The following SLC24A2 variants were observed in gnomAD, a reference collection of about 807,000 sequenced individuals.
SLC24A2 encodes the protein solute carrier family 24 member 2.
Under a neutral mutation model 62.0 loss-of-function variants are expected in SLC24A2, and 36 were observed. That is an observed-to-expected ratio of 0.58 (90% confidence interval 0.44 to 0.77). The LOEUF (loss-of-function observed/expected upper bound fraction) is 0.77, where lower values mean the gene tolerates loss of function less well. Among genes scored for constraint, SLC24A2 ranks in the 30% least tolerant of loss-of-function variants. SLC24A2 has a pLI of 0.00. For missense variants in SLC24A2, 846 were observed against 817.9 expected (o/e 1.03, Z -0.42); for synonymous variants, 358 against 294.0 (o/e 1.22, Z -2.23).
chr9:19,609,057 A>G (rs2132930821), intron 4 of SLC24A2, among the ~76,000 whole-genome samples: 1 of 152,332 alleles, frequency 6.6e-6, no homozygotes, highest in Non-Finnish European at 1.5e-5. Context: ...GCCCTTCCTC[A>G]GGGTTCACAC....
intron 2 of SLC24A2, among the ~76,000 whole-genome samples, chr9:19,778,776 T>A (rs1822920900): frequency 6.6e-6 from 1 of 152,086 alleles, no homozygotes; most frequent in Admixed American, 6.5e-5. Context: ...AAGAAACATA[T>A]GCTCAAAGTT....
At chr9:19,640,464 A>G (rs1355239699) in intron 2 of SLC24A2, among the ~76,000 whole-genome samples, 1 of 152,222 alleles carries the variant, frequency 6.6e-6, no homozygotes, top group African/African-American at 2.4e-5. Flanking sequence ...CACAAAAGCT[A>G]CACAAGTTGA....
chr9:20,132,975 G>A, the SLC24A2 span, among the ~76,000 whole-genome samples: 20 of 152,086 alleles, frequency 1.3e-4, no homozygotes, highest in African/African-American at 3.4e-4. Flanking sequence ...TGTCAATGTG[G>A]CTAGGCTGCA....
intron 9 of SLC24A2, among the ~76,000 whole-genome samples, chr9:19,524,871 T>C (rs1388117400): frequency 2.6e-5 from 4 of 152,230 alleles, no homozygotes; most frequent in Non-Finnish European, 4.4e-5. Context: ...CATGATGTTT[T>C]ATAAAACGGC....
At chr9:19,627,073 T>C (rs1212943331) in intron 2 of SLC24A2, among the ~76,000 whole-genome samples, 3 of 152,188 alleles carry the variant, frequency 2.0e-5, no homozygotes, top group Admixed American at 6.5e-5. Context: ...CTTTGACTGG[T>C]TGCTGGTAAT....
At chr9:20,222,664 G>A in the SLC24A2 span, among the ~76,000 whole-genome samples, 1 of 151,982 alleles carries the variant, frequency 6.6e-6, no homozygotes. Context: ...AGGAATATAA[G>A]AATAGTTCAA....
chr9:20,141,600 A>T, the SLC24A2 span, among the ~76,000 whole-genome samples: 1 of 151,120 alleles, frequency 6.6e-6, no homozygotes, highest in Admixed American at 6.6e-5. Context: ...TACTTGAGAA[A>T]GCCCTGCCTC....
chr9:19,880,118 A>G, the SLC24A2 span, among the ~76,000 whole-genome samples: 1 of 152,196 alleles, frequency 6.6e-6, no homozygotes, highest in Non-Finnish European at 1.5e-5. Flanking sequence ...ACTATTTAAA[A>G]GTGTAAGGCA....
the SLC24A2 span, among the ~76,000 whole-genome samples, chr9:20,133,943 G>C: frequency 6.6e-6 from 1 of 152,104 alleles, no homozygotes; most frequent in Non-Finnish European, 1.5e-5. Context: ...TTCCTGTTTT[G>C]ACAGAGGGGA....
chr9:19,842,323 C>T, the SLC24A2 span, among the ~76,000 whole-genome samples: 21 of 152,172 alleles, frequency 1.4e-4, no homozygotes, highest in Non-Finnish European at 5.9e-5. Context: ...GGTCTTACTA[C>T]ATACTCCATG....
intron 7 of SLC24A2, among the ~76,000 whole-genome samples, chr9:19,558,718 C>T (rs767985915): frequency 6.6e-6 from 1 of 152,218 alleles, no homozygotes; most frequent in African/African-American, 2.4e-5. Flanking sequence ...ATATGCACAA[C>T]AAAAACAGCA....
intron 4 of SLC24A2, among the ~76,000 whole-genome samples, chr9:19,613,446 C>T (rs1817682128): frequency 6.6e-6 from 1 of 152,158 alleles, no homozygotes. Context: ...ATGAGGAGGA[C>T]ATGAAGGTGG....
At chr9:20,103,339 AG>A in the SLC24A2 span, among the ~76,000 whole-genome samples, 2,247 of 152,338 alleles carry the variant, frequency 0.015, 25 homozygotes, top group Non-Finnish European at 0.024. Flanking sequence ...AGCTTTGAAG[AG>A]AGCATGGTTC....
At chr9:20,123,445 G>A in the SLC24A2 span, among the ~76,000 whole-genome samples, 1 of 152,146 alleles carries the variant, frequency 6.6e-6, no homozygotes, top group African/African-American at 2.4e-5. Context: ...ACAAAGCAAA[G>A]ATTCAGAAAG....
the SLC24A2 span, among the ~76,000 whole-genome samples, chr9:20,169,314 G>T: frequency 6.6e-6 from 1 of 151,982 alleles, no homozygotes; most frequent in Non-Finnish European, 1.5e-5. Context: ...CTCCCACTCA[G>T]ATGGACAGAG....
At chr9:20,068,498 C>G in the SLC24A2 span, among the ~76,000 whole-genome samples, 1 of 152,136 alleles carries the variant, frequency 6.6e-6, no homozygotes, top group Non-Finnish European at 1.5e-5. Context: ...CAATCCTAAT[C>G]AAGCCTCCAC....
the SLC24A2 span, among the ~76,000 whole-genome samples, chr9:19,805,887 G>A: frequency 4.6e-4 from 69 of 150,782 alleles, no homozygotes; most frequent in Non-Finnish European, 8.7e-4. Flanking sequence ...GGTTGGGCAA[G>A]TGTGGGTCCC....
the SLC24A2 span, among the ~76,000 whole-genome samples, chr9:19,895,449 G>A: frequency 1.3e-5 from 2 of 151,752 alleles, 1 homozygote; most frequent in South Asian, 4.1e-4. Context: ...AGTTCTGAGG[G>A]TAAAGTAGGG....
In SLC24A2 at chr9:19,547,840, C is replaced by G. The variant is rs146903725; in HGVS notation, c.1479+2297G>C. On this transcript the variant is annotated intron_variant, in intron 8 of 10. Coordinates refer to ENST00000341998, the MANE Select transcript of SLC24A2 (RefSeq NM_020344.4). ...CAGCAGAGCAAGAGAGAGAGAGAGA[C>G]AGACAGAGAGAGGAGAGACAATGCA... Among the ~76,000 whole-genome samples the G allele has an allele frequency of 2.6e-3, 399 of 151,668 alleles. 12 individuals are homozygous for G. The highest frequency in any genetic ancestry group is 9.1e-3 in the African/African-American group (373 of 41,014).
Sources: allele counts gnomAD v4.1 joint callset (sites outside exome capture counted in the v4.1 genomes callset), GRCh38; gene constraint gnomAD v4.1.1; transcripts MANE v1.5; gene names NCBI Gene and HGNC (gene_info 2026-07-23, HGNC 2026-07-21).